ARHGAP8: variants seen among roughly 807,000 people sequenced by gnomAD.
ARHGAP8 encodes Rho GTPase activating protein 8.
A neutral mutation model predicts 46.1 loss-of-function variants in ARHGAP8; 62 were observed. The observed-to-expected ratio is 1.34, with a 90% confidence interval of 1.10 to 1.66. The LOEUF (loss-of-function observed/expected upper bound fraction) is 1.66. Ranked by LOEUF, ARHGAP8 falls within the 40% of genes most tolerant of loss-of-function variation. The pLI is 0.00. For synonymous variants in ARHGAP8, 375 were observed against 243.1 expected, an observed-to-expected ratio of 1.54 and a Z score of -5.05; for missense variants, 923 against 568.4, an observed-to-expected ratio of 1.62 and a Z score of -6.34.
rs187224368 is a variant in ARHGAP8 at position 44,860,088 on chromosome 22, C to G, written c.981+254C>G. Among the ~76,000 whole-genome samples, 425 of 152,292 alleles carry G rather than the reference C, an allele frequency of 2.8e-3. 3 individuals are homozygous for G. Among genetic ancestry groups the G allele is most frequent in the African/African-American group, 9.4e-3 (392 of 41,570 alleles). ...TGTACCTGCTGTCCCTCAGCCATTG[C>G]CAGTGACTTTTGTTATTGGGGTCCT... On this transcript the variant is annotated intron_variant, in intron 11 of 11. Transcript: ENST00000356099.
chr22:44,819,055 TTTG>T lies in ARHGAP8; in HGVS notation c.387-3307_387-3305del, dbSNP rs918111107. On this transcript the variant is annotated intron_variant, in intron 5 of 11. Coordinates refer to ENST00000356099, the MANE Select transcript of ARHGAP8 (RefSeq NM_181335.3). ...TTAGCTGCTAGTACTGTGTTTTTTGTTTGTTGTTGTTTTGTTTTGTTTCATTGC... is the reference window on the plus strand; with the variant it reads ...TTAGCTGCTAGTACTGTGTTTTTTGTTTGTTGTTTTGTTTTGTTTCATTGC... Among the ~76,000 whole-genome samples the T allele has an allele frequency of 2.6e-4, 39 of 152,022 alleles. 1 individual carries two copies. The highest frequency in any genetic ancestry group is 8.9e-4 in the African/African-American group (37 of 41,482).
At chr22:44,774,069 C>A (rs1039461952) in intron 1 of ARHGAP8, among the ~76,000 whole-genome samples, 2 of 152,138 alleles carry the variant, frequency 1.3e-5, no homozygotes, top group African/African-American at 4.8e-5. Flanking sequence ...AATGGAGACA[C>A]GGGTTGAGAC....
rs757713884 is a variant in ARHGAP8 at position 44,845,290 on chromosome 22, C to T, written c.618C>T (p.Gly206=). 44 of 1,614,022 alleles carry T rather than the reference C, an allele frequency of 2.7e-5. No homozygotes were observed. Among genetic ancestry groups the T allele is most frequent in the South Asian group, 2.0e-4 (18 of 91,080 alleles). Residue 206 remains glycine, a synonymous_variant, in exon 8 of 12, where the codon GGC becomes GGT. Coordinates refer to ENST00000356099, the MANE Select transcript of ARHGAP8 (RefSeq NM_181335.3). ...TCAGCCTCAAAGACAAAAATCAAGG[C>T]GAACTCATCCCCCCTGTGCTGAGGT... ...SLQYLKDKNQ[G]ELIPPVLRFT...
chr22:44,857,984 C>A (rs2070282471), intron 10 of ARHGAP8, among the ~76,000 whole-genome samples: 1 of 152,112 alleles, frequency 6.6e-6, no homozygotes, highest in Non-Finnish European at 1.5e-5. Flanking sequence ...CACTTGGGAC[C>A]ATAATTCGTA....
At chr22:44,858,422 C>T (rs1293379546) in intron 10 of ARHGAP8, among the ~76,000 whole-genome samples, 1 of 148,672 alleles carries the variant, frequency 6.7e-6, no homozygotes, top group Non-Finnish European at 1.5e-5. Context: ...GGCTGGAGTG[C>T]AATGGCACCA....
chr22:44,849,070 T>G lies in ARHGAP8; in HGVS notation c.877+10T>G. The G allele has an allele frequency of 1.2e-6, 2 of 1,613,662 alleles. No homozygotes were observed. Among genetic ancestry groups the G allele is most frequent in the Non-Finnish European group, 1.7e-6 (2 of 1,179,982 alleles). ...ATTCTCGGGATCACCTGTGCGTAGC[T>G]GCCCTGGCGCAGGGGTGGGGGGCTT... On this transcript the variant is annotated intron_variant, in intron 10 of 11. Transcript: ENST00000356099.
chr22:44,786,389 C>T, intron 1 of ARHGAP8, 68 bp from the exon 2 acceptor site: 3 of 1,522,720 alleles, frequency 2.0e-6, no homozygotes, highest in Non-Finnish European at 2.7e-6. Flanking sequence ...TGAAAGGCAT[C>T]AGGAGGCTCC....
At chr22:44,761,392 A>T (rs1362958318) in intron 1 of ARHGAP8, among the ~76,000 whole-genome samples, 1 of 152,228 alleles carries the variant, frequency 6.6e-6, no homozygotes, top group Non-Finnish European at 1.5e-5. Context: ...ATTTATACAG[A>T]CTTTTCTCCT....
intron 10 of ARHGAP8, among the ~76,000 whole-genome samples, chr22:44,852,123 CAG>C: frequency 7.5e-6 from 1 of 134,074 alleles, no homozygotes; most frequent in Non-Finnish European, 1.5e-5. Context: ...ACCCAGGAGG[CAG>C]AGGTTGTAGT....
intron 4 of ARHGAP8, among the ~76,000 whole-genome samples, chr22:44,814,022 C>T (rs999654833): frequency 1.3e-5 from 2 of 152,174 alleles, no homozygotes; most frequent in African/African-American, 2.4e-5. Flanking sequence ...CACACCGTCC[C>T]CCACTCACCC....
chr22:44,755,492 C>T (rs1197536981), intron 1 of ARHGAP8, among the ~76,000 whole-genome samples: 4 of 152,320 alleles, frequency 2.6e-5, no homozygotes, highest in Middle Eastern at 3.4e-3. Context: ...CACGTGTGTC[C>T]AGATGCTTCC....
rs771921624 is a variant in ARHGAP8 at position 44,814,761 on chromosome 22, A to G, written c.386+3A>G. 4 of 1,613,836 alleles carry G rather than the reference A, an allele frequency of 2.5e-6. No homozygotes were observed. Among genetic ancestry groups the G allele is most frequent in the Admixed American group, 1.7e-5 (1 of 59,978 alleles). ...AACATCTTGAAGCCCCTCATCAGGT[A>G]TGCGTCACTCTGGGAGAGGACCTCG... On this transcript the variant is annotated splice_donor_region_variant and intron_variant, in intron 5 of 11. Transcript: ENST00000356099.
intron 1 of ARHGAP8, among the ~76,000 whole-genome samples, chr22:44,760,222 A>G (rs925028680): frequency 1.3e-5 from 2 of 152,154 alleles, no homozygotes; most frequent in African/African-American, 4.8e-5. Context: ...AAGACTGGGT[A>G]GTGAGGGTCT....
chr22:44,852,928 G>A (rs1201491465), intron 10 of ARHGAP8, among the ~76,000 whole-genome samples: 1 of 152,106 alleles, frequency 6.6e-6, no homozygotes, highest in Non-Finnish European at 1.5e-5. Context: ...CCAGCCTGCC[G>A]AGTAGCTGGG....
chr22:44,857,459 C>G (rs929205849), intron 10 of ARHGAP8, among the ~76,000 whole-genome samples: 26 of 152,214 alleles, frequency 1.7e-4, no homozygotes, highest in Middle Eastern at 3.4e-3. Context: ...AAAAACATAC[C>G]AGTTTATTTA....
chr22:44,861,481 G>A (rs975373536), intron 11 of ARHGAP8, among the ~76,000 whole-genome samples: 1 of 152,086 alleles, frequency 6.6e-6, no homozygotes, highest in African/African-American at 2.4e-5. Flanking sequence ...GGGGGAGCCT[G>A]AAAGGCATCC....
intron 10 of ARHGAP8, among the ~76,000 whole-genome samples, chr22:44,854,237 C>CT (rs35201093): frequency 0.28 from 36,187 of 130,390 alleles, 5,791 homozygotes; most frequent in East Asian, 0.59. Context: ...CCCCTTGTAT[C>CT]TTTTTTTTTT....
intron 10 of ARHGAP8, among the ~76,000 whole-genome samples, chr22:44,857,912 C>G (rs896717963): frequency 1.7e-5 from 2 of 117,648 alleles, no homozygotes; most frequent in Non-Finnish European, 3.5e-5. Flanking sequence ...ACCAGTCCTG[C>G]CTACTTGCCA....
chr22:44,774,268 G>A (rs1926252935), intron 1 of ARHGAP8, among the ~76,000 whole-genome samples: 1 of 152,202 alleles, frequency 6.6e-6, no homozygotes, highest in Admixed American at 6.5e-5. Context: ...CTTGGTGAAA[G>A]GAAGAACGTT....
Sources: gnomAD v4.1 joint callset for allele counts (sites outside exome capture counted in the v4.1 genomes callset) on GRCh38, gnomAD v4.1.1 for gene constraint, MANE v1.5 for transcripts, NCBI Gene and HGNC (gene_info 2026-07-23, HGNC 2026-07-21) for gene names.